GPBP1: variants seen among roughly 807,000 people sequenced by gnomAD.
The protein encoded by GPBP1 is GC-rich promoter binding protein 1.
A neutral mutation model predicts 56.5 loss-of-function variants in GPBP1; 13 were observed. The ratio of observed to expected loss-of-function variants is 0.23; its 90% CI spans 0.15 to 0.37. GPBP1 has a LOEUF of 0.37. Among genes scored for constraint, GPBP1 ranks in the 10% least tolerant of loss-of-function variants. The pLI, the probability that GPBP1 is intolerant of heterozygous loss-of-function variation, is 1.00. For missense variants in GPBP1, 477 were observed against 572.3 expected (o/e 0.83, Z 1.70); for synonymous variants, 204 against 188.9 (o/e 1.08, Z -0.66).
At chr5:57,255,697 A>G (rs1349143208) in intron 10 of GPBP1, among the ~76,000 whole-genome samples, 3 of 152,224 alleles carry the variant, frequency 2.0e-5, no homozygotes, top group South Asian at 4.1e-4. Flanking sequence ...ATTTCCCTTC[A>G]GTACTTAGTA....
At chr5:57,221,199 A>G (rs1561349988) in intron 3 of GPBP1, among the ~76,000 whole-genome samples, 1 of 152,184 alleles carries the variant, frequency 6.6e-6, no homozygotes, top group East Asian at 1.9e-4. Context: ...GTGACTTTTA[A>G]ACTGTTGATT....
chr5:57,221,991 A>C (rs992471714), intron 3 of GPBP1, among the ~76,000 whole-genome samples: 1 of 152,130 alleles, frequency 6.6e-6, no homozygotes, highest in Non-Finnish European at 1.5e-5. Context: ...GGCTTTAGAG[A>C]AAATTTTAAA....
rs559227622 is a variant in GPBP1, at chr5:57,187,868, C to T, written c.-58+11468C>T. On this transcript the variant is annotated intron_variant, in intron 2 of 11. Transcript: ENST00000506184. ...CATAGGTAAGTATAAATTGAAGGGA[C>T]AGAAGAAGCAGAAACCAGATATATA... Among the ~76,000 whole-genome samples, 7 of 150,130 alleles carry T rather than the reference C, an allele frequency of 4.7e-5. No individual in the cohort carries two copies. In the South Asian group the frequency reaches 6.4e-4, roughly 14 times the overall value.
chr5:57,206,278 G>A (rs1755231269), intron 2 of GPBP1, among the ~76,000 whole-genome samples: 1 of 151,704 alleles, frequency 6.6e-6, no homozygotes, highest in Non-Finnish European at 1.5e-5. Context: ...TCTTGGTTTT[G>A]GTGTCATATT....
chr5:57,181,654 C>G (rs938840485), intron 2 of GPBP1, among the ~76,000 whole-genome samples: 2 of 152,044 alleles, frequency 1.3e-5, no homozygotes, highest in African/African-American at 2.4e-5. Context: ...AACTCCTGAC[C>G]TCAGGTGTTC....
intron 2 of GPBP1, among the ~76,000 whole-genome samples, chr5:57,200,233 A>T (rs749377478): frequency 6.7e-6 from 1 of 149,638 alleles, no homozygotes; most frequent in South Asian, 2.1e-4. Flanking sequence ...GGATGCAGGC[A>T]GGGAGAAACG....
At chr5:57,180,399 C>T (rs562926990) in intron 2 of GPBP1, among the ~76,000 whole-genome samples, 13 of 152,244 alleles carry the variant, frequency 8.5e-5, no homozygotes, top group East Asian at 7.7e-4. Context: ...GGATTATAGG[C>T]GTGAGCCACT....
chr5:57,178,627 T>C (rs1484842913), intron 2 of GPBP1, among the ~76,000 whole-genome samples: 2 of 152,166 alleles, frequency 1.3e-5, no homozygotes, highest in African/African-American at 2.4e-5. Flanking sequence ...GAGATCAGAG[T>C]TTTTAGCAAT....
intron 5 of GPBP1, among the ~76,000 whole-genome samples, chr5:57,232,571 C>G (rs1756504744): frequency 6.6e-6 from 1 of 152,180 alleles, no homozygotes; most frequent in East Asian, 1.9e-4. Flanking sequence ...TTCCTTTGTT[C>G]TCTGCCTTTG....
Position 57,183,218 on chromosome 5 carries a change from T to C in GPBP1, c.-58+6818T>C, listed in dbSNP as rs185941505. Among the ~76,000 whole-genome samples, 412 of 151,940 alleles carry C rather than the reference T, an allele frequency of 2.7e-3. 4 individuals carry two copies. Among genetic ancestry groups the C allele is most frequent in the South Asian group, 4.6e-3 (22 of 4,812 alleles). ...CCGTCTCTAATAAAAATACAAAAAATTAGCTGGGCGTGGTGGCACATGCCT... is the reference window on the plus strand; with the variant it reads ...CCGTCTCTAATAAAAATACAAAAAACTAGCTGGGCGTGGTGGCACATGCCT... On this transcript the variant is annotated intron_variant, in intron 2 of 11. Transcript: ENST00000506184.
At chr5:57,260,732 C>T (rs1741861495) in intron 10 of GPBP1, among the ~76,000 whole-genome samples, 1 of 151,994 alleles carries the variant, frequency 6.6e-6, no homozygotes, top group African/African-American at 2.4e-5. Context: ...AGATATGTGG[C>T]CATATAAGAA....
chr5:57,221,348 T>C (rs766839165), intron 3 of GPBP1: 348 of 1,511,848 alleles, frequency 2.3e-4, no homozygotes, highest in Non-Finnish European at 3.0e-4. Flanking sequence ...TAATGCCAAT[T>C]GTGACTGATC....
At position 57,196,845 on chromosome 5, in the gene GPBP1, G is replaced by A. The variant is rs146075850; in HGVS notation, c.-57-17229G>A. Reference sequence around the variant, plus strand: ...TGCCCAGGCTGGAGTTCAGTGGCACGATCTTGGCTCACTGTAACCTCTGCC... The same window carrying A: ...TGCCCAGGCTGGAGTTCAGTGGCACAATCTTGGCTCACTGTAACCTCTGCC... On this transcript the variant is annotated intron_variant, in intron 2 of 11. Coordinates refer to ENST00000506184, the MANE Select transcript of GPBP1 (RefSeq NM_022913.4). 5.3e-5 allele frequency among the ~76,000 whole-genome samples: 8 copies of A among 151,874 alleles called. No homozygotes were observed. In the East Asian group the frequency reaches 1.6e-3, roughly 30 times the overall value.
chr5:57,208,007 G>C (rs1013682243), intron 2 of GPBP1, among the ~76,000 whole-genome samples: 1 of 152,110 alleles, frequency 6.6e-6, no homozygotes, highest in African/African-American at 2.4e-5. Flanking sequence ...CACGATGGGG[G>C]TGTGACTGGC....
At chr5:57,182,650 C>T (rs955191855) in intron 2 of GPBP1, among the ~76,000 whole-genome samples, 2 of 152,144 alleles carry the variant, frequency 1.3e-5, no homozygotes, top group South Asian at 2.1e-4. Flanking sequence ...GGATTACAGG[C>T]GTGAGCCACC....
At chr5:57,246,217 G>T in intron 6 of GPBP1, 83 bp from the exon 7 acceptor site, 3 of 1,079,470 alleles carry the variant, frequency 2.8e-6, no homozygotes, top group Non-Finnish European at 2.6e-6. Flanking sequence ...AAAAAATTTG[G>T]AATATACTGT....
intron 2 of GPBP1, among the ~76,000 whole-genome samples, chr5:57,193,523 A>G (rs547442642): frequency 1.3e-5 from 2 of 150,324 alleles, no homozygotes; most frequent in South Asian, 4.3e-4. Flanking sequence ...CTGAGGTGGG[A>G]AGATCGCTTG....
At chr5:57,204,823 G>C (rs1387842077) in intron 2 of GPBP1, among the ~76,000 whole-genome samples, 1 of 152,016 alleles carries the variant, frequency 6.6e-6, no homozygotes, top group Non-Finnish European at 1.5e-5. Flanking sequence ...AATTTTTTGG[G>C]GGAATGAGGT....
At chr5:57,209,903 G>C (rs999504848) in intron 2 of GPBP1, among the ~76,000 whole-genome samples, 12 of 152,092 alleles carry the variant, frequency 7.9e-5, no homozygotes, top group South Asian at 2.1e-4. Flanking sequence ...TTTCATTGAG[G>C]ATTTTTACTC....
Sources: allele counts gnomAD v4.1 joint callset (sites outside exome capture counted in the v4.1 genomes callset), GRCh38; gene constraint gnomAD v4.1.1; transcripts MANE v1.5; gene names NCBI Gene and HGNC (gene_info 2026-07-23, HGNC 2026-07-21).